Variants in SOAT1 observed in about 807,000 individuals in gnomAD.
SOAT1 encodes acyl-coenzyme A:cholesterol acyltransferase 1.
In SOAT1, 55 loss-of-function variants were observed where a neutral mutation model predicts 69.5. That is an observed-to-expected ratio of 0.79 (90% confidence interval 0.64 to 0.99). SOAT1 has a LOEUF of 0.99. Ranked by LOEUF, SOAT1 falls within the 50% of genes least tolerant of loss-of-function variation. The pLI is 0.00. For missense variants in SOAT1, 580 were observed against 669.3 expected (o/e 0.87, Z 1.47); for synonymous variants, 231 against 224.7 (o/e 1.03, Z -0.25).
At chr1:179,336,167 A>ACT (rs1558052397) in intron 4 of SOAT1, among the ~76,000 whole-genome samples, 4 of 144,456 alleles carry the variant, frequency 2.8e-5, no homozygotes, top group Non-Finnish European at 6.1e-5. Flanking sequence ...AAAAAAAAAA[A>ACT]GACTGACTAA....
chr1:179,335,753 G>T, intron 4 of SOAT1, 96 bp downstream of exon 4: 1 of 1,209,416 alleles, frequency 8.3e-7, no homozygotes. Context: ...TTCACACCCT[G>T]GTGTCACTTT....
rs138125509 is a variant in SOAT1, at chr1:179,353,863, G to A, written c.*222G>A. On this transcript the variant is annotated 3_prime_UTR_variant, in exon 16 of 16. Coordinates refer to ENST00000367619, the MANE Select transcript of SOAT1 (RefSeq NM_003101.6). Reference sequence around the variant, plus strand: ...CAGAACTTTTTTTGTGGGGCTGGGTGGGGGGAGAAGACCGACTAACAGCTG... The same window carrying A: ...CAGAACTTTTTTTGTGGGGCTGGGTAGGGGGAGAAGACCGACTAACAGCTG... 58 of 513,982 alleles carry A rather than the reference G, an allele frequency of 1.1e-4. No homozygotes were observed. The highest frequency in any genetic ancestry group is 4.0e-4 in the African/African-American group (20 of 50,434). 31.8% of individuals were successfully genotyped at this position (513,982 alleles called of 1,614,324 possible).
intron 11 of SOAT1, among the ~76,000 whole-genome samples, chr1:179,345,379 G>A (rs1666493173): frequency 6.6e-6 from 1 of 152,096 alleles, no homozygotes; most frequent in Non-Finnish European, 1.5e-5. Context: ...ATTCCACCAA[G>A]CCACTTAAAT....
intron 5 of SOAT1, among the ~76,000 whole-genome samples, chr1:179,338,476 C>T (rs979218808): frequency 1.3e-5 from 2 of 152,160 alleles, no homozygotes; most frequent in African/African-American, 2.4e-5. Context: ...TCAAAAGTTA[C>T]TTTCTGTGAG....
intron 2 of SOAT1, among the ~76,000 whole-genome samples, chr1:179,303,941 T>C (rs1664918318): frequency 6.6e-6 from 1 of 152,226 alleles, no homozygotes; most frequent in Non-Finnish European, 1.5e-5. Context: ...TTTCTGTCAC[T>C]GTATATGATC....
chr1:179,307,869 AC>A (rs1432626830), intron 2 of SOAT1, among the ~76,000 whole-genome samples: 14 of 148,210 alleles, frequency 9.4e-5, no homozygotes, highest in East Asian at 5.9e-4. Flanking sequence ...TCGGCTCACC[AC>A]AACCTCCACC....
intron 1 of SOAT1, among the ~76,000 whole-genome samples, chr1:179,301,501 G>C (rs3923881): frequency 0.5 from 75,347 of 151,946 alleles, 19,649 homozygotes; most frequent in East Asian, 0.84. Context: ...TAGCTGTGTG[G>C]TCTTGGGCAA....
chr1:179,305,007 A>G (rs758645750), intron 2 of SOAT1, among the ~76,000 whole-genome samples: 44 of 152,344 alleles, frequency 2.9e-4, no homozygotes, highest in Admixed American at 8.5e-4. Flanking sequence ...TTTAAAGTTT[A>G]CAATTCAGTG....
At chr1:179,327,505 C>T (rs1433338547) in intron 3 of SOAT1, among the ~76,000 whole-genome samples, 2 of 152,160 alleles carry the variant, frequency 1.3e-5, no homozygotes, top group Non-Finnish European at 2.9e-5. Context: ...CATCCGGCAG[C>T]TGTTTCAGCT....
At chr1:179,334,319 AAG>A (rs1262364713) in intron 3 of SOAT1, among the ~76,000 whole-genome samples, 1 of 152,196 alleles carries the variant, frequency 6.6e-6, no homozygotes, top group African/African-American at 2.4e-5. Flanking sequence ...GGTTTGGTGT[AAG>A]AGTATATTTG....
At chr1:179,328,067 C>G (rs1159237208) in intron 3 of SOAT1, among the ~76,000 whole-genome samples, 2 of 152,168 alleles carry the variant, frequency 1.3e-5, no homozygotes, top group African/African-American at 2.4e-5. Flanking sequence ...TCCCAACCAA[C>G]TTACATTAAC....
At chr1:179,302,540 G>T in intron 1 of SOAT1, 137 bp from the exon 2 acceptor site, 1 of 499,792 alleles carries the variant, frequency 2.0e-6, no homozygotes, top group Non-Finnish European at 3.5e-6. Context: ...ATGATTGTAA[G>T]TTTCCTGAGG....
chr1:179,341,348 C>T lies in SOAT1; in HGVS notation c.780+38C>T, dbSNP rs13306725. The T allele has an allele frequency of 2.8e-4, 436 of 1,568,146 alleles. 7 individuals carry two copies. The East Asian group carries it at 7.5e-3, about 27-fold the overall frequency. On this transcript the variant is annotated intron_variant, in intron 7 of 15. Transcript: ENST00000367619. ...GTGTTACCCAAGGCGATGCTGTCCT[C>T]GGCTAAAATAATAATAATGATGATG...
Position 179,357,029 on chromosome 1 carries a change from T to C in SOAT1, c.*3388T>C, listed in dbSNP as rs1319874617. 1 of 152,180 alleles carries C rather than the reference T, an allele frequency of 6.6e-6. No individual in the cohort carries two copies. Among genetic ancestry groups the C allele is most frequent in the Admixed American group, 6.6e-5 (1 of 15,264 alleles). The allele number at this position is 152,180 out of a possible 1,614,324, so 9.4% of individuals were successfully genotyped here. On this transcript the variant is annotated 3_prime_UTR_variant, in exon 16 of 16. Transcript: ENST00000367619. ...TTCAGTGACTTGCTTACTAATCTTA[T>C]GCAAAATTTCATGTAATTTATGTAA...
At chr1:179,302,025 CTTTTTTTT>C (rs5779019) in intron 1 of SOAT1, among the ~76,000 whole-genome samples, 1 of 141,932 alleles carries the variant, frequency 7.0e-6, no homozygotes, top group East Asian at 2.0e-4. Flanking sequence ...CTATTTAATC[CTTTTTTTT>C]TTTTTTTTAC....
At chr1:179,331,089 A>G (rs185490386) in intron 3 of SOAT1, among the ~76,000 whole-genome samples, 2 of 152,212 alleles carry the variant, frequency 1.3e-5, no homozygotes, top group African/African-American at 2.4e-5. Flanking sequence ...GTCAAATTTC[A>G]CCTTTTTGCT....
rs773882224 is a variant in SOAT1, at chr1:179,356,910, A to G, written c.*3269A>G. ...CCCTATGTTGCCCAGGCTGGTCTCA[A>G]ACTCTTCACCTCAAGCAAAACTCCC... is the stretch of plus-strand genomic sequence containing the variant. On this transcript the variant is annotated 3_prime_UTR_variant, in exon 16 of 16. Coordinates refer to ENST00000367619, the MANE Select transcript of SOAT1 (RefSeq NM_003101.6). 6.6e-6 allele frequency: 1 copy of G among 151,788 alleles called. No homozygotes were observed. The highest frequency in any genetic ancestry group is 1.5e-5 in the Non-Finnish European group (1 of 68,008). The allele number at this position is 151,788 out of a possible 1,614,324, so 9.4% of individuals were successfully genotyped here. A position where few individuals can be genotyped will look rare whatever the true frequency, so the allele number is the denominator to read the frequency against.
At position 179,334,851 on chromosome 1, in the gene SOAT1, A is replaced by G. The variant is rs889192910; in HGVS notation, c.178-655A>G. Among the ~76,000 whole-genome samples the G allele has an allele frequency of 3.9e-5, 6 of 151,998 alleles. No individual in the cohort carries two copies. The South Asian group carries it at 1.2e-3, about 32-fold the overall frequency. On this transcript the variant is annotated intron_variant, in intron 3 of 15. Transcript: ENST00000367619. ...ACCAACATGGAGAAACCCTGTCTCT[A>G]CGAAAAATACAAAATTAGCCAGGTG... is the stretch of plus-strand genomic sequence containing the variant.
At chr1:179,306,530 G>A (rs972711666) in intron 2 of SOAT1, among the ~76,000 whole-genome samples, 19 of 152,040 alleles carry the variant, frequency 1.2e-4, no homozygotes, top group African/African-American at 3.9e-4. Context: ...TTCCAGAAGC[G>A]TTAAAAGTAG....
Sources: gnomAD v4.1 joint callset for allele counts (sites outside exome capture counted in the v4.1 genomes callset) on GRCh38, gnomAD v4.1.1 for gene constraint, MANE v1.5 for transcripts, NCBI Gene and HGNC (gene_info 2026-07-23, HGNC 2026-07-21) for gene names.